LIN7A: variants seen among roughly 807,000 people sequenced by gnomAD.
The protein encoded by LIN7A is protein lin-7 homolog A.
A neutral mutation model predicts 29.8 loss-of-function variants in LIN7A; 25 were observed. The observed-to-expected ratio is 0.84, with a 90% CI of 0.61 to 1.17. The LOEUF (loss-of-function observed/expected upper bound fraction) is 1.17. LIN7A is among the 50% of genes most tolerant of loss of function. The pLI is 0.00. For missense variants in LIN7A, 239 were observed against 287.0 expected, an observed-to-expected ratio of 0.83 and a Z score of 1.21; for synonymous variants, 118 against 107.5, an observed-to-expected ratio of 1.10 and a Z score of -0.60.
chr12:80,895,707 TG>T (rs1328176060), intron 1 of LIN7A, among the ~76,000 whole-genome samples: 1 of 152,238 alleles, frequency 6.6e-6, no homozygotes, highest in Non-Finnish European at 1.5e-5. Context: ...GACAAACTGC[TG>T]GCATAAGCCT....
chr12:80,836,777 G>A (rs1192246734), intron 4 of LIN7A, among the ~76,000 whole-genome samples: 2 of 151,900 alleles, frequency 1.3e-5, no homozygotes, highest in African/African-American at 4.8e-5. Context: ...TTAATTATGA[G>A]GCCATGTTAT....
chr12:80,835,676 A>T (rs1203942479), intron 4 of LIN7A, among the ~76,000 whole-genome samples: 2 of 152,200 alleles, frequency 1.3e-5, no homozygotes, highest in African/African-American at 4.8e-5. Context: ...ACTTTCTCTT[A>T]TTTAATCTTT....
At chr12:80,915,188 C>T (rs1401750913) in intron 1 of LIN7A, among the ~76,000 whole-genome samples, 1 of 145,398 alleles carries the variant, frequency 6.9e-6, no homozygotes, top group East Asian at 2.0e-4. Context: ...AAAAAATTAA[C>T]CCCATTAAAA....
chr12:80,881,242 C>A (rs1228246987), intron 2 of LIN7A, among the ~76,000 whole-genome samples: 2 of 152,146 alleles, frequency 1.3e-5, no homozygotes, highest in Non-Finnish European at 2.9e-5. Context: ...TGGCAGGAAA[C>A]TTATCACACA....
At chr12:80,876,125 A>T (rs1233152120) in intron 2 of LIN7A, among the ~76,000 whole-genome samples, 2 of 152,094 alleles carry the variant, frequency 1.3e-5, no homozygotes, top group African/African-American at 4.8e-5. Flanking sequence ...AGAGAGAGAG[A>T]GTGACAGAAA....
At chr12:80,868,474 G>A (rs1874253185) in intron 2 of LIN7A, among the ~76,000 whole-genome samples, 1 of 152,124 alleles carries the variant, frequency 6.6e-6, no homozygotes, top group African/African-American at 2.4e-5. Context: ...AGGCTGAGTC[G>A]GGAGACTTGT....
In LIN7A at chr12:80,793,291, T is replaced by G. The variant is rs555448357; in HGVS notation, c.*4436A>C. ...CAGCACAGTGGCTAGAAAATAGAGC[T>G]GCATAAATGTTAGTTATGAATAAAT... On this transcript the variant is annotated 3_prime_UTR_variant, in exon 6 of 6. Transcript: ENST00000552864. The G allele has an allele frequency of 6.6e-6, 1 of 152,232 alleles. No individual in the cohort carries two copies. The highest frequency in any genetic ancestry group is 2.4e-5 in the African/African-American group (1 of 41,460). 9.4% of individuals were successfully genotyped at this position (152,232 alleles called of 1,614,324 possible).
chr12:80,813,160 G>A (rs546806386), intron 4 of LIN7A, among the ~76,000 whole-genome samples: 29 of 151,906 alleles, frequency 1.9e-4, no homozygotes, highest in Admixed American at 1.5e-3. Context: ...ACAGGTGCCT[G>A]CCACCACGCC....
rs1565883817 is a variant in LIN7A at position 80,807,077 on chromosome 12, T to TTTGTTTTTTTTTTG, written c.*4387_*4388insCAAAAAAAAAACAA. Reference sequence around the variant, plus strand: ...ATGAAGATGGAGTTTTTTTTTTTTTTTTTTTTTTTTTTTTGACGGAGTCTC... The same window carrying TTTGTTTTTTTTTTG: ...ATGAAGATGGAGTTTTTTTTTTTTTTTTGTTTTTTTTTTGTTTTTTTTTTTTTTGACGGAGTCTC... On this transcript the variant is annotated intron_variant, in intron 5 of 5. Coordinates refer to ENST00000552864, the MANE Select transcript of LIN7A (RefSeq NM_004664.4). Among the ~76,000 whole-genome samples, 5 of 115,538 alleles carry TTTGTTTTTTTTTTG rather than the reference T, an allele frequency of 4.3e-5. 1 individual carries two copies. Among genetic ancestry groups the TTTGTTTTTTTTTTG allele is most frequent in the Admixed American group, 9.0e-5 (1 of 11,164 alleles). 75.8% of individuals were successfully genotyped at this position (115,538 alleles called of 152,430 possible).
chr12:80,922,200 T>C (rs1877350394), intron 1 of LIN7A, among the ~76,000 whole-genome samples: 1 of 152,128 alleles, frequency 6.6e-6, no homozygotes, highest in African/African-American at 2.4e-5. Flanking sequence ...GCTAGAAAAA[T>C]ATAGCATTAC....
At chr12:80,813,590 A>G (rs1020274111) in intron 4 of LIN7A, among the ~76,000 whole-genome samples, 1 of 152,230 alleles carries the variant, frequency 6.6e-6, no homozygotes, top group Non-Finnish European at 1.5e-5. Flanking sequence ...TTGAGTTTCA[A>G]AACAGTCTTT....
intron 5 of LIN7A, among the ~76,000 whole-genome samples, chr12:80,808,815 G>T (rs1289785076): frequency 2.0e-5 from 3 of 151,676 alleles, no homozygotes; most frequent in Non-Finnish European, 4.4e-5. Context: ...CCCAATAAAT[G>T]TATTTTTTAG....
At chr12:80,870,935 G>A (rs986294883) in intron 2 of LIN7A, among the ~76,000 whole-genome samples, 3 of 152,204 alleles carry the variant, frequency 2.0e-5, no homozygotes, top group African/African-American at 7.2e-5. Context: ...TATTTAAACA[G>A]CAAAGATGCT....
chr12:80,835,997 A>C (rs1304160040), intron 4 of LIN7A, among the ~76,000 whole-genome samples: 1 of 152,194 alleles, frequency 6.6e-6, no homozygotes, highest in Non-Finnish European at 1.5e-5. Flanking sequence ...AAATAATAAT[A>C]AGCTAACAGA....
At chr12:80,930,638 A>G (rs572069234) in intron 1 of LIN7A, among the ~76,000 whole-genome samples, 3 of 152,346 alleles carry the variant, frequency 2.0e-5, no homozygotes, top group African/African-American at 4.8e-5. Flanking sequence ...GATTCAATTC[A>G]TAAGTTAAAA....
chr12:80,848,360 A>C (rs760183113), intron 2 of LIN7A, 38 bp from the exon 3 acceptor site: 2 of 1,367,222 alleles, frequency 1.5e-6, no homozygotes, highest in Non-Finnish European at 2.1e-6. Flanking sequence ...GTGTAAGAAC[A>C]TGAAGAATAA....
intron 1 of LIN7A, among the ~76,000 whole-genome samples, chr12:80,930,928 C>T (rs938121674): frequency 9.2e-5 from 14 of 152,216 alleles, no homozygotes; most frequent in South Asian, 2.1e-4. Flanking sequence ...ATACAAAGAG[C>T]GTGCCAACTA....
At chr12:80,905,276 G>A (rs1223502073) in intron 1 of LIN7A, among the ~76,000 whole-genome samples, 1 of 151,608 alleles carries the variant, frequency 6.6e-6, no homozygotes, top group Non-Finnish European at 1.5e-5. Flanking sequence ...TGCAACCTCC[G>A]CCTCCCACGT....
Position 80,845,924 on chromosome 12 carries a change from A to C in LIN7A, c.289T>G (p.Phe97Val), listed in dbSNP as rs765304610. The C allele has an allele frequency of 6.3e-7, 1 of 1,594,698 alleles. No homozygotes were observed. The highest frequency in any genetic ancestry group is 8.5e-7 in the Non-Finnish European group (1 of 1,173,940). The part of the protein sequence containing the change: ...RATAKATVAA[F>V]AASEGHSHPR... Reference sequence around the variant, plus strand: ...TGGGAGTGGCCTTCACTAGCTGCAAAAGCTGCAACTGTTGCCTGAAAAAAA... The same window carrying C: ...TGGGAGTGGCCTTCACTAGCTGCAACAGCTGCAACTGTTGCCTGAAAAAAA... Residue 97 changes from phenylalanine to valine, a missense_variant, in exon 4 of 6, where the codon TTT becomes GTT. Transcript: ENST00000552864.
Sources: allele counts gnomAD v4.1 joint callset (sites outside exome capture counted in the v4.1 genomes callset), GRCh38; gene constraint gnomAD v4.1.1; transcripts MANE v1.5; gene names NCBI Gene and HGNC (gene_info 2026-07-23, HGNC 2026-07-21).